Variants in VPS53 observed in about 807,000 individuals in gnomAD.
VPS53 encodes the protein vacuolar protein sorting-associated protein 53 homolog.
VPS53 carries 70 observed loss-of-function variants against 107.0 expected under a neutral mutation model. That is an observed-to-expected ratio of 0.65 (90% CI 0.54 to 0.80). The LOEUF (loss-of-function observed/expected upper bound fraction) is 0.80. Among genes scored for constraint, VPS53 ranks in the 30% least tolerant of loss-of-function variants. The pLI is 0.00. For missense variants in VPS53, 917 were observed against 1,049.4 expected (o/e 0.87, Z 1.74); for synonymous variants, 409 against 393.3 (o/e 1.04, Z -0.47).
chr17:714,479 A>C (rs1567760595), intron 1 of VPS53, 144 bp downstream of exon 1: 2 of 716,802 alleles, frequency 2.8e-6, no homozygotes, highest in Admixed American at 2.8e-5. Context: ...ACCGCTTCTC[A>C]CCCGCACCAC....
chr17:652,183 C>CG (rs1277987484), intron 7 of VPS53, among the ~76,000 whole-genome samples: 2 of 151,934 alleles, frequency 1.3e-5, no homozygotes, highest in Non-Finnish European at 2.9e-5. Flanking sequence ...TTAGTAGAGA[C>CG]GGGGTTTCGC....
At chr17:687,906 G>T (rs1161652567) in intron 4 of VPS53, among the ~76,000 whole-genome samples, 2 of 152,048 alleles carry the variant, frequency 1.3e-5, no homozygotes, top group Non-Finnish European at 2.9e-5. Context: ...CAAAGCTCAA[G>T]TTTTTTTCAC....
intron 7 of VPS53, among the ~76,000 whole-genome samples, chr17:642,844 G>T (rs71355286): frequency 2.8e-4 from 37 of 133,014 alleles, no homozygotes; most frequent in South Asian, 5.0e-4. Flanking sequence ...TACTTGGAAA[G>T]CGAGGACAAC....
chr17:577,968 G>C (rs1320964363), intron 13 of VPS53, among the ~76,000 whole-genome samples: 1 of 151,312 alleles, frequency 6.6e-6, no homozygotes, highest in Non-Finnish European at 1.5e-5. Flanking sequence ...TCCTCCTTCA[G>C]AATCTAACAC....
intron 13 of VPS53, among the ~76,000 whole-genome samples, chr17:586,012 C>A (rs575299731): frequency 2.0e-4 from 31 of 152,270 alleles, no homozygotes; most frequent in African/African-American, 7.2e-4. Context: ...CAGGGCTCAA[C>A]ACCCACATAG....
At chr17:692,174 C>T (rs753742735) in intron 4 of VPS53, among the ~76,000 whole-genome samples, 4 of 152,112 alleles carry the variant, frequency 2.6e-5, no homozygotes, top group Admixed American at 6.6e-5. Context: ...TTCCCACTGC[C>T]GGCTTTTTCT....
At position 627,274 on chromosome 17, in the gene VPS53, T is replaced by C; in HGVS notation, c.874A>G (p.Lys292Glu). Residue 292 changes from lysine to glutamate, a missense_variant, in exon 10 of 22, where the codon AAA becomes GAA. Lys to Glu is a moderately conservative substitution (Grantham distance 56, BLOSUM62 1). Coordinates refer to ENST00000437048, the MANE Select transcript of VPS53 (RefSeq NM_001128159.3). ...TCCTCATAGTCCACAAGCTGGCGTT[T>C]TATCCAGGCATAGCGTCTGTCGATT... ...DKIDRRYAWI[K>E]RQLVDYEEKY... The C allele has an allele frequency of 1.9e-6, 3 of 1,614,078 alleles. No homozygotes were observed. The highest frequency in any genetic ancestry group is 2.5e-6 in the Non-Finnish European group (3 of 1,180,014).
chr17:529,244 C>A (rs1471138157), intron 19 of VPS53, among the ~76,000 whole-genome samples: 1 of 152,204 alleles, frequency 6.6e-6, no homozygotes, highest in Non-Finnish European at 1.5e-5. Flanking sequence ...TCCCTGGGGC[C>A]AGTGCCACAC....
intron 2 of VPS53, among the ~76,000 whole-genome samples, chr17:702,134 C>T (rs1973222783): frequency 6.6e-6 from 1 of 152,136 alleles, no homozygotes; most frequent in Non-Finnish European, 1.5e-5. Context: ...GGGTGGACTG[C>T]TAGAGCCCAA....
At chr17:689,508 C>T (rs1314399972) in intron 4 of VPS53, among the ~76,000 whole-genome samples, 1 of 131,438 alleles carries the variant, frequency 7.6e-6, no homozygotes, top group Non-Finnish European at 1.6e-5. Context: ...GAGTCTCACT[C>T]TGTCACCAAG....
chr17:545,244 G>A (rs1046777106), intron 17 of VPS53, among the ~76,000 whole-genome samples: 4 of 152,178 alleles, frequency 2.6e-5, no homozygotes, highest in African/African-American at 9.7e-5. Flanking sequence ...GCCTGCAGAA[G>A]GCTGCACCTG....
intron 17 of VPS53, among the ~76,000 whole-genome samples, chr17:542,934 C>T (rs1910814995): frequency 6.7e-6 from 1 of 149,212 alleles, no homozygotes; most frequent in African/African-American, 2.5e-5. Flanking sequence ...GCACAAATCA[C>T]GCCACTGCAC....
At position 586,328 on chromosome 17, in the gene VPS53, C is replaced by T. The variant is rs775591717; in HGVS notation, c.1255G>A (p.Gly419Ser). The part of the protein sequence containing the change: ...KPKAPDNPFH[G>S]IVSKCFEPHL... ...GGCTCAAAACACTTGGAAACAATGC[C>T]ATGAAATGGATTGTCTGGGGCTTTA... Residue 419 changes from glycine to serine, a missense_variant, in exon 13 of 22, where the codon GGC becomes AGC. Gly to Ser is a moderately conservative substitution (Grantham distance 56, BLOSUM62 0). Coordinates refer to ENST00000437048, the MANE Select transcript of VPS53 (RefSeq NM_001128159.3). 10 of 1,613,912 alleles carry T rather than the reference C, an allele frequency of 6.2e-6. No individual in the cohort carries two copies. The African/African-American group carries it at 1.2e-4, about 19-fold the overall frequency.
intron 4 of VPS53, among the ~76,000 whole-genome samples, chr17:666,356 T>C (rs934998865): frequency 2.0e-5 from 3 of 152,142 alleles, no homozygotes; most frequent in Non-Finnish European, 2.9e-5. Flanking sequence ...TGATTGTGCC[T>C]TCTGTTGTTA....
Position 618,260 on chromosome 17 carries a change from CCTG to C in VPS53, c.1116+5270_1116+5272del, listed in dbSNP as rs1339538473. Among the ~76,000 whole-genome samples, 2 of 96,356 alleles carry C rather than the reference CCTG, an allele frequency of 2.1e-5. 1 individual carries two copies. The highest frequency in any genetic ancestry group is 5.0e-5 in the Non-Finnish European group (2 of 39,660). The allele number at this position is 96,356 out of a possible 152,430, so 63.2% of individuals were successfully genotyped here. ...GGGACTACAGGCGTGCACCACCACG[CCTG>C]CTAATATTTCCCGGGTAGCTGGGAC... On this transcript the variant is annotated intron_variant, in intron 11 of 21. Coordinates refer to ENST00000437048, the MANE Select transcript of VPS53 (RefSeq NM_001128159.3).
chr17:610,420 A>T (rs1345235887), intron 11 of VPS53, among the ~76,000 whole-genome samples: 1 of 152,166 alleles, frequency 6.6e-6, no homozygotes, highest in African/African-American at 2.4e-5. Flanking sequence ...TGAAACTATA[A>T]AACTCTTAGG....
chr17:651,672 G>A (rs384628), intron 7 of VPS53, among the ~76,000 whole-genome samples: 52,898 of 152,038 alleles, frequency 0.35, 11,030 homozygotes, highest in Non-Finnish European at 0.47. Context: ...GTAGCATTCG[G>A]GCCTTATTAA....
Position 669,592 on chromosome 17 carries a change from T to TAA in VPS53, c.286-7699_286-7698dup, listed in dbSNP as rs200157618. ...TGGGTGACAGAGACATACTCTGTCT[T>TAA]AAAAAAAAAAAAAAAATTAGGCCAG... On this transcript the variant is annotated intron_variant, in intron 4 of 21. Transcript: ENST00000437048. Among the ~76,000 whole-genome samples the TAA allele has an allele frequency of 1.3e-3, 145 of 110,270 alleles. 3 individuals carry two copies. Among genetic ancestry groups the TAA allele is most frequent in the African/African-American group, 3.6e-3 (109 of 30,134 alleles). 72.3% of individuals were successfully genotyped at this position (110,270 alleles called of 152,430 possible). A position where few individuals can be genotyped will look rare whatever the true frequency, so the allele number is the denominator to read the frequency against.
chr17:583,071 C>T (rs148915914), intron 13 of VPS53, among the ~76,000 whole-genome samples: 1 of 139,088 alleles, frequency 7.2e-6, no homozygotes, highest in African/African-American at 2.7e-5. Context: ...TGCGTTCCCA[C>T]AGAACTTCCC....
Sources: gnomAD v4.1 joint callset for allele counts (sites outside exome capture counted in the v4.1 genomes callset) on GRCh38, gnomAD v4.1.1 for gene constraint, MANE v1.5 for transcripts, NCBI Gene and HGNC (gene_info 2026-07-23, HGNC 2026-07-21) for gene names.